Variants in MCF2L observed in about 807,000 individuals in gnomAD.
MCF2L encodes MCF.2 cell line derived transforming sequence like.
MCF2L carries 97 observed loss-of-function variants against 153.4 expected under a neutral mutation model. The observed-to-expected ratio is 0.63, with a 90% confidence interval of 0.54 to 0.75. MCF2L has a LOEUF of 0.75. MCF2L is among the 30% of genes least tolerant of loss of function. MCF2L has a pLI of 0.00. For synonymous variants in MCF2L, 659 were observed against 632.2 expected (o/e 1.04, Z -0.64); for missense variants, 1,347 against 1,495.2 (o/e 0.90, Z 1.64).
chr13:112,894,582 G>C (rs2081047320), intron 1 of MCF2L, among the ~76,000 whole-genome samples: 1 of 152,026 alleles, frequency 6.6e-6, no homozygotes, highest in African/African-American at 2.4e-5. Context: ...GCTGGGACCC[G>C]GCTCGCGGTC....
In MCF2L at chr13:113,095,397, A is replaced by G. The variant is rs113534554; in HGVS notation, c.3075+762A>G. ...GCATGAAGGAAGGCCTGGGCGTGAG[A>G]ACAGATGTGGGGGACACAGAGGCGG... On this transcript the variant is annotated intron_variant, in intron 27 of 29. Transcript: ENST00000535094. The G allele has an allele frequency of 1.3e-3, 1,413 of 1,117,260 alleles. 9 individuals are homozygous for G. In the East Asian group the frequency reaches 0.027, roughly 22 times the overall value. The allele number at this position is 1,117,260 out of a possible 1,614,324, so 69.2% of individuals were successfully genotyped here.
intron 3 of MCF2L, among the ~76,000 whole-genome samples, chr13:113,026,560 G>A (rs558050144): frequency 1.1e-4 from 17 of 152,296 alleles, no homozygotes; most frequent in Non-Finnish European, 1.9e-4. Flanking sequence ...CCATCACTGC[G>A]CATGCCTGTT....
At chr13:112,986,738 C>T (rs2082658675) in intron 1 of MCF2L, among the ~76,000 whole-genome samples, 2 of 152,226 alleles carry the variant, frequency 1.3e-5, no homozygotes, top group Admixed American at 1.3e-4. Context: ...CCGAGGGTGC[C>T]AACCCTGCCC....
intron 27 of MCF2L, chr13:113,095,742 G>A (rs905031023): frequency 7.0e-6 from 7 of 995,360 alleles, no homozygotes; most frequent in Middle Eastern, 5.1e-4. Flanking sequence ...CCCACCACAC[G>A]CAGCACCAGG....
chr13:112,920,208 A>G (rs3011498), intron 2 of MCF2L, among the ~76,000 whole-genome samples: 12,682 of 152,264 alleles, frequency 0.083, 675 homozygotes, highest in South Asian at 0.15. Flanking sequence ...ACGTATGGGT[A>G]CATGGCGGAG....
At chr13:112,952,654 A>G (rs919290559) in intron 2 of MCF2L, among the ~76,000 whole-genome samples, 3 of 152,196 alleles carry the variant, frequency 2.0e-5, no homozygotes, top group African/African-American at 4.8e-5. Context: ...AAGCAATAAA[A>G]TGAAGGGTAA....
chr13:113,085,835 AGG>A lies in MCF2L; in HGVS notation c.2248-287_2248-286del, dbSNP rs1242900925. Reference sequence around the variant, plus strand: ...TTGCACCTGGCATCCGGGTGGCAGGAGGGAGCTCCCCGGGGAGCAGGTGCGAG... The same window carrying A: ...TTGCACCTGGCATCCGGGTGGCAGGAGAGCTCCCCGGGGAGCAGGTGCGAG... On this transcript the variant is annotated intron_variant, in intron 20 of 29. Coordinates refer to ENST00000535094, the MANE Select transcript of MCF2L (RefSeq NM_001112732.3). Among the ~76,000 whole-genome samples the A allele has an allele frequency of 1.3e-4, 16 of 121,368 alleles. 2 individuals carry two copies. Among genetic ancestry groups the A allele is most frequent in the African/African-American group, 5.1e-4 (16 of 31,668 alleles). The allele number at this position is 121,368 out of a possible 152,430, so 79.6% of individuals were successfully genotyped here. A position where few individuals can be genotyped will look rare whatever the true frequency, so the allele number is the denominator to read the frequency against.
intron 3 of MCF2L, chr13:113,044,397 A>C: frequency 2.6e-6 from 1 of 389,290 alleles, no homozygotes; most frequent in Non-Finnish European, 4.9e-6. Context: ...TGGCTTGTTA[A>C]TGATGCTCAC....
chr13:112,941,521 C>T lies in MCF2L; in HGVS notation c.169+39150C>T, dbSNP rs1030617482. On this transcript the variant is annotated intron_variant, in intron 2 of 29. Transcript: ENST00000375608. This position sits in a 1 kb window ranked among gnomAD's most constrained non-coding sequence, Gnocchi z 4.9. ...CATCCTGAGTCAACACAGGTGTAGG[C>T]GGGCGCAGGTGTGGATGTCAGGTGA... is the stretch of plus-strand genomic sequence containing the variant. 1.1e-4 allele frequency among the ~76,000 whole-genome samples: 16 copies of T among 151,884 alleles called. No individual in the cohort carries two copies. Among genetic ancestry groups the T allele is most frequent in the Middle Eastern group, 3.4e-3 (1 of 294 alleles).
chr13:113,032,758 T>C (rs2085804865), intron 3 of MCF2L, among the ~76,000 whole-genome samples: 1 of 152,278 alleles, frequency 6.6e-6, no homozygotes, highest in East Asian at 1.9e-4. Flanking sequence ...TCTGTAGAAA[T>C]GGAGTCTCAC....
chr13:112,926,951 C>T (rs1261980620), intron 2 of MCF2L, among the ~76,000 whole-genome samples: 1 of 152,170 alleles, frequency 6.6e-6, no homozygotes, highest in East Asian at 1.9e-4. Context: ...CTAATTAGCT[C>T]GATTTAGCCT....
intron 1 of MCF2L, among the ~76,000 whole-genome samples, chr13:112,970,324 C>T (rs538781189): frequency 5.3e-5 from 8 of 152,254 alleles, no homozygotes; most frequent in African/African-American, 1.7e-4. Flanking sequence ...GTGTGGTTCT[C>T]TTTCTCTGCC....
intron 1 of MCF2L, among the ~76,000 whole-genome samples, chr13:112,997,783 G>A (rs1177858297): frequency 1.3e-5 from 2 of 152,382 alleles, no homozygotes; most frequent in East Asian, 3.9e-4. Flanking sequence ...CTGGACACGG[G>A]CCTCAGGCCC....
At chr13:112,911,606 G>A (rs1203975401) in intron 2 of MCF2L, among the ~76,000 whole-genome samples, 1 of 152,156 alleles carries the variant, frequency 6.6e-6, no homozygotes, top group Non-Finnish European at 1.5e-5. Flanking sequence ...GTGGTCACCC[G>A]GGCTGCAGGC....
intron 3 of MCF2L, among the ~76,000 whole-genome samples, chr13:113,030,973 T>A (rs2141359913): frequency 6.6e-6 from 1 of 152,032 alleles, no homozygotes; most frequent in South Asian, 2.1e-4. Context: ...ATATGTCAGC[T>A]ATGGAGGGCG....
chr13:113,025,742 G>T (rs937427596), intron 3 of MCF2L, among the ~76,000 whole-genome samples: 1,968 of 77,280 alleles, frequency 0.025, no homozygotes, highest in South Asian at 0.066. Context: ...ATTTCACCAG[G>T]GTGGGGTCCC....
At chr13:112,934,663 T>A (rs1366468808) in intron 2 of MCF2L, among the ~76,000 whole-genome samples, 4 of 151,598 alleles carry the variant, frequency 2.6e-5, no homozygotes, top group Non-Finnish European at 5.9e-5. Context: ...AGCCGCCCAG[T>A]TGCAGGCAGA....
chr13:112,979,727 G>A (rs945365743), intron 1 of MCF2L: 32 of 1,612,358 alleles, frequency 2.0e-5, no homozygotes, highest in Non-Finnish European at 2.6e-5. Flanking sequence ...TGCCCAGGAG[G>A]CGCCGGGGAA....
upstream of MCF2L, chr13:112,968,045 G>A (rs2081923031): frequency 4.6e-6 from 1 of 219,250 alleles, no homozygotes; most frequent in African/African-American, 2.4e-5. Flanking sequence ...TCAGCCATAT[G>A]ATGCTTGAAT....
Sources: allele counts gnomAD v4.1 joint callset (sites outside exome capture counted in the v4.1 genomes callset), GRCh38; gene constraint gnomAD v4.1.1; non-coding constraint Gnocchi (gnomAD v3.1); transcripts MANE v1.5; gene names NCBI Gene and HGNC (gene_info 2026-07-23, HGNC 2026-07-21).